The following USHBP1 variants were observed in gnomAD, a reference collection of about 807,000 sequenced individuals.
The protein encoded by USHBP1 is harmonin-binding protein USHBP1.
USHBP1 carries 67 observed loss-of-function variants against 76.2 expected under a neutral mutation model. The ratio of observed to expected loss-of-function variants is 0.88; its 90% CI spans 0.72 to 1.08. The LOEUF is 1.08. USHBP1 is among the 50% of genes least tolerant of loss of function. The pLI, the probability that USHBP1 is intolerant of heterozygous loss-of-function variation, is 0.00. For missense variants in USHBP1, 931 were observed against 915.0 expected, an observed-to-expected ratio of 1.02 and a Z score of -0.23; for synonymous variants, 322 against 362.2, an observed-to-expected ratio of 0.89 and a Z score of 1.26.
At chr19:17,258,909 T>TAAA (rs746382013) in intron 7 of USHBP1, among the ~76,000 whole-genome samples, 36 of 151,974 alleles carry the variant, frequency 2.4e-4, no homozygotes, top group Non-Finnish European at 4.4e-4. Context: ...GGCTCACACC[T>TAAA]GTAATCCCAG....
intron 10 of USHBP1, 82 bp downstream of exon 10, chr19:17,255,303 A>C (rs1599468561): frequency 6.2e-6 from 6 of 969,574 alleles, no homozygotes; most frequent in East Asian, 9.5e-5. Flanking sequence ...AAAAAAAACA[A>C]AAAAAAAAAG....
chr19:17,259,511 C>G, intron 6 of USHBP1, 82 bp from the exon 7 acceptor site: 1 of 1,607,240 alleles, frequency 6.2e-7, no homozygotes. Context: ...TCCCTCCCTC[C>G]TGTTGCAGCT....
rs138537962 is a variant in USHBP1, at chr19:17,261,979, G to A, written c.642+573C>T. ...GTGTAGATTACAGGCATGAGCCACT[G>A]CACCCAGCCAACCTGGCTGATTTTT... is the stretch of plus-strand genomic sequence containing the variant. On this transcript the variant is annotated intron_variant, in intron 4 of 12. Transcript: ENST00000252597. Among the ~76,000 whole-genome samples, 586 of 147,388 alleles carry A rather than the reference G, an allele frequency of 4.0e-3. 2 individuals carry two copies. The highest frequency in any genetic ancestry group is 0.014 in the African/African-American group (564 of 39,760).
chr19:17,259,506 C>T, intron 6 of USHBP1, 77 bp from the exon 7 acceptor site: 1 of 1,607,980 alleles, frequency 6.2e-7, no homozygotes, highest in Non-Finnish European at 8.5e-7. Context: ...CCCTTTCCCT[C>T]CCTCCTGTTG....
intron 4 of USHBP1, among the ~76,000 whole-genome samples, chr19:17,260,989 C>G (rs935791600): frequency 6.6e-6 from 1 of 152,188 alleles, no homozygotes; most frequent in Non-Finnish European, 1.5e-5. Flanking sequence ...CATGTCTGGA[C>G]CAATGAAGTC....
In USHBP1 at chr19:17,251,965, C is replaced by G. The variant is rs527298780; in HGVS notation, c.1745G>C (p.Gly582Ala). 2 of 1,549,306 alleles carry G rather than the reference C, an allele frequency of 1.3e-6. No homozygotes were observed. The highest frequency in any genetic ancestry group is 2.7e-5 in the African/African-American group (2 of 73,218). ...TAACTTCTCTGGGTCCCAGGCTCTG[C>G]CCACCTGGCCACCATCAATGCCACT... ...GTSGIDGGQVGRAWDPEKLAQ... is the reference protein window; with the variant it reads ...GTSGIDGGQVARAWDPEKLAQ... Residue 582 changes from glycine to alanine, a missense_variant, in exon 11 of 13, where the codon GGC (glycine) becomes GCC (alanine). Gly to Ala is a moderately conservative substitution (Grantham distance 60). Transcript: ENST00000252597.
At position 17,250,299 on chromosome 19, in the gene USHBP1, C is replaced by T. The variant is rs756523964; in HGVS notation, c.2038G>A (p.Glu680Lys). 13 of 1,613,294 alleles carry T rather than the reference C, an allele frequency of 8.1e-6. No individual in the cohort carries two copies. Among genetic ancestry groups the T allele is most frequent in the East Asian group, 4.5e-5 (2 of 44,882 alleles). ...TTCCCCAGGGCCCTTGCAGTGGCTT[C>T]GAGCACCGCCACCTCCTCGGCCTGC... is the stretch of plus-strand genomic sequence containing the variant. Reference protein sequence around the residue: ...AQQAEEVAVLEATARALGKPR... With the variant: ...AQQAEEVAVLKATARALGKPR... The change falls in exon 13 of 13, where the codon GAA (glutamate) becomes AAA (lysine). Residue 680 changes from glutamate (E) to lysine (K), a missense_variant. Glu to Lys is a moderately conservative substitution (Grantham distance 56). Transcript: ENST00000252597.
At chr19:17,252,393 A>G (rs1305164089) in intron 10 of USHBP1, among the ~76,000 whole-genome samples, 1 of 151,734 alleles carries the variant, frequency 6.6e-6, no homozygotes, top group Non-Finnish European at 1.5e-5. Flanking sequence ...ACGGAGTTTC[A>G]CCATGTTGGC....
At chr19:17,257,020 C>T (rs1038157527) in intron 8 of USHBP1, among the ~76,000 whole-genome samples, 2 of 131,830 alleles carry the variant, frequency 1.5e-5, no homozygotes, top group South Asian at 2.5e-4. Flanking sequence ...GAGAATCCGT[C>T]TTTTTTTTTT....
rs759100527 is a variant in USHBP1, at chr19:17,259,365, G to T, written c.970C>A (p.Arg324Ser). The T allele has an allele frequency of 6.2e-7, 1 of 1,614,124 alleles. No individual in the cohort carries two copies. The highest frequency in any genetic ancestry group is 8.5e-7 in the Non-Finnish European group (1 of 1,180,038). ...LSAVLQGYKG[R>S]CEGLSMQLGQ... ...AGCTGCATGCTGAGGCCTTCACAGC[G>T]GCCCTTGTATCCCTGTAGCACAGCT... Residue 324 changes from arginine (R) to serine (S), a missense_variant, in exon 7 of 13, where the codon CGC becomes AGC. Coordinates refer to ENST00000252597, the MANE Select transcript of USHBP1 (RefSeq NM_031941.4).
intron 6 of USHBP1, 38 bp downstream of exon 6, chr19:17,259,558 G>A: frequency 1.2e-6 from 2 of 1,602,034 alleles, no homozygotes; most frequent in South Asian, 1.1e-5. Flanking sequence ...TGGAGGAGGT[G>A]CCTGTGCCCT....
chr19:17,258,708 CAAAAAAA>C (rs34398867), intron 7 of USHBP1: 4 of 95,990 alleles, frequency 4.2e-5, no homozygotes, highest in Non-Finnish European at 6.2e-5. Context: ...GACTCTGTCT[CAAAAAAA>C]AAAAAAAAAA....
chr19:17,251,760 G>T, intron 11 of USHBP1, 56 bp from the exon 12 acceptor site: 1 of 1,605,442 alleles, frequency 6.2e-7, no homozygotes, highest in South Asian at 1.1e-5. Context: ...TGTTTCCCAG[G>T]TCTCCTCCTA....
intron 8 of USHBP1, among the ~76,000 whole-genome samples, chr19:17,257,402 G>C (rs1321186927): frequency 6.7e-6 from 1 of 149,202 alleles, no homozygotes; most frequent in African/African-American, 2.4e-5. Flanking sequence ...CAGCACTTTG[G>C]GAGGCCGAGG....
In USHBP1 at chr19:17,262,729, C is replaced by A. The variant is rs754094952; in HGVS notation, c.465G>T (p.Gly155=). Residue 155 remains glycine, a synonymous_variant, in exon 4 of 13, where the codon GGG becomes GGT. Transcript: ENST00000252597. The part of the protein sequence containing the change: ...GPMEFEGTSE[G]GAGSLGKQEG... The stretch of plus-strand genomic sequence containing the variant: ...CCTGCTTCCCAAGGGAACCTGCTCC[C>A]CCTTCGCTTGTGCCTTCGAACTCCA... The A allele has an allele frequency of 6.2e-7, 1 of 1,614,244 alleles. No homozygotes were observed. Among genetic ancestry groups the A allele is most frequent in the South Asian group, 1.1e-5 (1 of 91,086 alleles).
intron 10 of USHBP1, among the ~76,000 whole-genome samples, chr19:17,253,602 T>A (rs1306175894): frequency 6.7e-6 from 1 of 148,472 alleles, no homozygotes; most frequent in African/African-American, 2.5e-5. Context: ...AATAATTTTT[T>A]AAAAATTAGG....
chr19:17,251,255 C>T (rs928714474), intron 12 of USHBP1, among the ~76,000 whole-genome samples: 7 of 151,516 alleles, frequency 4.6e-5, no homozygotes, highest in Non-Finnish European at 1.0e-4. Context: ...CCACAACCTC[C>T]ACCTCCTGGG....
At position 17,257,368 on chromosome 19, in the gene USHBP1, C is replaced by T. The variant is rs547608014; in HGVS notation, c.1221-648G>A. Among the ~76,000 whole-genome samples the T allele has an allele frequency of 4.0e-3, 585 of 146,578 alleles. 2 individuals are homozygous for T. Among genetic ancestry groups the T allele is most frequent in the African/African-American group, 0.014 (563 of 40,400 alleles). The stretch of plus-strand genomic sequence containing the variant: ...TCATAAAAAATTAGCTGCGGCCGGG[C>T]GCAGTGCCTAACGCCTGTAATCCCA... On this transcript the variant is annotated intron_variant, in intron 8 of 12. Coordinates refer to ENST00000252597, the MANE Select transcript of USHBP1 (RefSeq NM_031941.4).
At position 17,256,736 on chromosome 19, in the gene USHBP1, A is replaced by G. The variant is rs2073624924; in HGVS notation, c.1221-16T>C. 1 of 1,613,882 alleles carries G rather than the reference A, an allele frequency of 6.2e-7. No homozygotes were observed. The highest frequency in any genetic ancestry group is 1.3e-5 in the African/African-American group (1 of 75,022). On this transcript the variant is annotated splice_polypyrimidine_tract_variant and intron_variant, in intron 8 of 12. Transcript: ENST00000252597. The stretch of plus-strand genomic sequence containing the variant: ...GCCTTCAGGGCTATAGAAAACAGAA[A>G]AGGTGCCTATGTCAACACTGGCAGG...
Sources: allele counts gnomAD v4.1 joint callset (sites outside exome capture counted in the v4.1 genomes callset), GRCh38; gene constraint gnomAD v4.1.1; transcripts MANE v1.5; gene names NCBI Gene and HGNC (gene_info 2026-07-23, HGNC 2026-07-21).